Variants in POLR3E observed in about 807,000 individuals in gnomAD.
POLR3E encodes RNA polymerase III subunit E.
A neutral mutation model predicts 96.6 loss-of-function variants in POLR3E; 41 were observed. The ratio of observed to expected loss-of-function variants is 0.42; its 90% CI spans 0.33 to 0.55. POLR3E has a LOEUF of 0.55. Ranked by LOEUF, POLR3E falls within the 20% of genes least tolerant of loss-of-function variation. The pLI is 0.06. For missense variants in POLR3E, 849 were observed against 952.1 expected (o/e 0.89, Z 1.43); for synonymous variants, 396 against 383.6 (o/e 1.03, Z -0.38).
chr16:22,303,638 C>CTTTTT (rs1567307592), intron 2 of POLR3E, among the ~76,000 whole-genome samples: 1 of 122,548 alleles, frequency 8.2e-6, no homozygotes, highest in Non-Finnish European at 1.5e-5. Flanking sequence ...GGCAGATTTC[C>CTTTTT]CTTTTTTTTT....
At chr16:22,302,519 G>C in intron 1 of POLR3E, 1 of 173,016 alleles carries the variant, frequency 5.8e-6, no homozygotes, top group Non-Finnish European at 1.2e-5. Context: ...CTGTCTTCCT[G>C]TTCAACTTCT....
rs760894054 is a variant in POLR3E at position 22,324,684 on chromosome 16, G to GGCA, written c.1286+27_1286+29dup. The GGCA allele has an allele frequency of 4.3e-6, 7 of 1,612,834 alleles. No individual in the cohort carries two copies. The South Asian group carries it at 7.7e-5, about 18-fold the overall frequency. On this transcript the variant is annotated intron_variant, in intron 16 of 20. Transcript: ENST00000299853. ...AAGTAAGCACCCTGGGCCAGGGAGG[G>GGCA]GCAGCCCGGTGATCCCAGCAACCCT...
At chr16:22,319,207 A>C (rs1436380536) in intron 13 of POLR3E, among the ~76,000 whole-genome samples, 1 of 151,420 alleles carries the variant, frequency 6.6e-6, no homozygotes, top group Non-Finnish European at 1.5e-5. Flanking sequence ...TCCTGACCTC[A>C]AGTGATCCAC....
Position 22,325,237 on chromosome 16 carries a change from C to T in POLR3E, c.1319C>T (p.Thr440Ile). Residue 440 changes from threonine (T) to isoleucine (I), a missense_variant, in exon 17 of 21, where the codon ACC becomes ATC. Coordinates refer to ENST00000299853, the MANE Select transcript of POLR3E (RefSeq NM_018119.4). Reference sequence around the variant, plus strand: ...AAAGTCTATAATCTTGTAAAGGAAACCATGCCAAAGAAGCCGGATGCACAA... The same window carrying T: ...AAAGTCTATAATCTTGTAAAGGAAATCATGCCAAAGAAGCCGGATGCACAA... ...LEKVYNLVKETMPKKPDAQSG... is the reference protein window; with the variant it reads ...LEKVYNLVKEIMPKKPDAQSG... The T allele has an allele frequency of 6.2e-7, 1 of 1,613,842 alleles. No homozygotes were observed.
At chr16:22,311,446 C>G (rs927441098) in intron 6 of POLR3E, among the ~76,000 whole-genome samples, 1 of 151,280 alleles carries the variant, frequency 6.6e-6, no homozygotes, top group Admixed American at 6.6e-5. Flanking sequence ...TTTACTGTAC[C>G]TTTTTTATGT....
Position 22,325,801 on chromosome 16 carries a change from A to G in POLR3E, c.1389A>G (p.Val463=). 1 of 1,600,778 alleles carries G rather than the reference A, an allele frequency of 6.2e-7. No homozygotes were observed. The highest frequency in any genetic ancestry group is 1.1e-5 in the South Asian group (1 of 88,540). The part of the protein sequence containing the change: ...GLVCGDQRIQ[V]AKTKAQQNHA... ...TCTGTGGGGACCAGCGGATCCAAGT[A>G]GCCAAAACCAAGGCCCAGCAGAACC... The change falls in exon 18 of 21, where the codon GTA becomes GTG. Residue 463 remains valine (V), a synonymous_variant. Coordinates refer to ENST00000299853, the MANE Select transcript of POLR3E (RefSeq NM_018119.4).
chr16:22,326,420 A>G (rs1462327005), intron 18 of POLR3E, 142 bp downstream of exon 18: 1 of 712,006 alleles, frequency 1.4e-6, no homozygotes, highest in Non-Finnish European at 2.5e-6. Flanking sequence ...TGGGCAAGTC[A>G]GCCTCTCTGA....
At chr16:22,319,018 A>T (rs2048417024) in intron 13 of POLR3E, 72 bp downstream of exon 13, 1 of 1,218,796 alleles carries the variant, frequency 8.2e-7, no homozygotes, top group Non-Finnish European at 1.1e-6. Flanking sequence ...CTTGTTGCCC[A>T]GGCTGGTGTG....
intron 16 of POLR3E, among the ~76,000 whole-genome samples, 160 bp from the exon 17 acceptor site, chr16:22,325,045 G>T (rs1031960723): frequency 1.3e-5 from 2 of 152,072 alleles, no homozygotes; most frequent in Non-Finnish European, 2.9e-5. Flanking sequence ...TCCTGGGGCT[G>T]TGCACTCTGC....
intron 17 of POLR3E, 66 bp downstream of exon 17, chr16:22,325,332 G>A: frequency 2.3e-6 from 3 of 1,300,232 alleles, no homozygotes; most frequent in Non-Finnish European, 3.4e-6. Flanking sequence ...GGGCTGCTGT[G>A]CTAGAGCTTG....
At chr16:22,309,077 C>T (rs373225711) in intron 5 of POLR3E, 37 bp downstream of exon 5, 112 of 1,416,686 alleles carry the variant, frequency 7.9e-5, no homozygotes, top group Non-Finnish European at 1.1e-4. Flanking sequence ...GGTTTCCCTG[C>T]GTTCACACAG....
At chr16:22,314,799 C>A in intron 8 of POLR3E, 1 of 257,334 alleles carries the variant, frequency 3.9e-6, no homozygotes, top group Non-Finnish European at 7.5e-6. Flanking sequence ...GAAAAGGCAT[C>A]CTGGGCCTGT....
At chr16:22,329,237 T>C (rs2048683205) in intron 19 of POLR3E, 1 of 152,258 alleles carries the variant, frequency 6.6e-6, no homozygotes. Flanking sequence ...AGGCGGCCTC[T>C]GGCAGCAGGA....
At chr16:22,332,692 A>G (rs184542646) in intron 20 of POLR3E, among the ~76,000 whole-genome samples, 46 of 152,296 alleles carry the variant, frequency 3.0e-4, no homozygotes, top group South Asian at 1.0e-3. Context: ...GATTGTTGCC[A>G]TAGCCACACA....
rs752950276 is a variant in POLR3E, at chr16:22,313,755, C to T, written c.472+28C>T. 4 of 1,443,896 alleles carry T rather than the reference C, an allele frequency of 2.8e-6. No homozygotes were observed. Among genetic ancestry groups the T allele is most frequent in the Admixed American group, 3.4e-5 (2 of 59,664 alleles). 89.4% of individuals were successfully genotyped at this position (1,443,896 alleles called of 1,614,324 possible). A position where few individuals can be genotyped will look rare whatever the true frequency, so the allele number is the denominator to read the frequency against. ...GAGCCCGGGATCCCCAGCCCTGCTG[C>T]CTGCCTGCCTTCATCCTGGTGGGAT... On this transcript the variant is annotated intron_variant, in intron 7 of 20. Transcript: ENST00000299853. The surrounding 1 kb of genome is among the most constrained non-coding windows in gnomAD (Gnocchi z 4.1).
intron 19 of POLR3E, among the ~76,000 whole-genome samples, chr16:22,331,212 C>T (rs1008410555): frequency 1.3e-5 from 2 of 152,046 alleles, no homozygotes; most frequent in Non-Finnish European, 2.9e-5. Context: ...CTCCTGACCT[C>T]AGGTAATCCG....
At chr16:22,326,309 G>A (rs1433379803) in intron 18 of POLR3E, 31 bp downstream of exon 18, 3 of 502,374 alleles carry the variant, frequency 6.0e-6, no homozygotes, top group East Asian at 6.8e-5. Flanking sequence ...CAGGGGCATG[G>A]GGGGTGGGGG....
chr16:22,328,265 CAT>C (rs761260789), intron 18 of POLR3E: 3 of 526,616 alleles, frequency 5.7e-6, no homozygotes, highest in African/African-American at 3.8e-5. Context: ...TCACTGGGCC[CAT>C]CACACTCCCC....
At chr16:22,303,146 G>A (rs2048062175) in intron 2 of POLR3E, 142 bp downstream of exon 2, 1 of 803,474 alleles carries the variant, frequency 1.2e-6, no homozygotes, top group East Asian at 2.5e-5. Context: ...GGTCCCCTCT[G>A]CTGTCCCCCA....
Sources: allele counts gnomAD v4.1 joint callset (sites outside exome capture counted in the v4.1 genomes callset), GRCh38; gene constraint gnomAD v4.1.1; non-coding constraint Gnocchi (gnomAD v3.1); transcripts MANE v1.5; gene names NCBI Gene and HGNC (gene_info 2026-07-23, HGNC 2026-07-21).